Variants in PLCB1 observed in about 807,000 individuals in gnomAD.
PLCB1 encodes the protein phospholipase C beta 1, also known as 1-phosphatidylinositol 4,5-bisphosphate phosphodiesterase beta-1.
In PLCB1, 46 loss-of-function variants were observed where a neutral mutation model predicts 161.8. That is an observed-to-expected ratio of 0.28 (90% CI 0.22 to 0.36). The LOEUF is 0.36. Ranked by LOEUF, PLCB1 falls within the 10% of genes least tolerant of loss-of-function variation. The pLI is 1.00. For missense variants in PLCB1, 1,016 were observed against 1,472.5 expected, an observed-to-expected ratio of 0.69 and a Z score of 5.07; for synonymous variants, 517 against 503.7, an observed-to-expected ratio of 1.03 and a Z score of -0.35.
chr20:8,175,232 A>G (rs1270857059), intron 2 of PLCB1, among the ~76,000 whole-genome samples: 1 of 152,168 alleles, frequency 6.6e-6, no homozygotes. Flanking sequence ...CAGCAGAACA[A>G]AAACCAGAGT....
chr20:8,485,843 A>G (rs6055849), intron 3 of PLCB1, among the ~76,000 whole-genome samples: 109,893 of 151,538 alleles, frequency 0.73, 40,017 homozygotes, highest in African/African-American at 0.74. Flanking sequence ...CTACAGAGGT[A>G]TGGAAACCCT....
At chr20:8,172,523 A>C (rs1441303543) in intron 2 of PLCB1, among the ~76,000 whole-genome samples, 2 of 152,210 alleles carry the variant, frequency 1.3e-5, no homozygotes, top group Non-Finnish European at 2.9e-5. Flanking sequence ...AGATTGCTGA[A>C]GACAAGGGCG....
intron 3 of PLCB1, among the ~76,000 whole-genome samples, chr20:8,538,334 C>A (rs1464600526): frequency 6.6e-6 from 1 of 152,122 alleles, no homozygotes; most frequent in Non-Finnish European, 1.5e-5. Flanking sequence ...TTCTTTGTAG[C>A]ACATTCCCCT....
Position 8,715,355 on chromosome 20 carries a change from C to T in PLCB1, c.1251-909C>T, listed in dbSNP as rs138615494. 2.8e-3 allele frequency among the ~76,000 whole-genome samples: 420 copies of T among 152,342 alleles called. 2 individuals carry two copies. Among genetic ancestry groups the T allele is most frequent in the African/African-American group, 9.4e-3 (390 of 41,570 alleles). On this transcript the variant is annotated intron_variant, in intron 12 of 31. Coordinates refer to ENST00000338037, the MANE Select transcript of PLCB1 (RefSeq NM_015192.4). Reference sequence around the variant, plus strand: ...CGTAGGATTTGTCTAGTCTAGCTGGCGGACGCCGCCTTGTAACAGTGGAAT... The same window carrying T: ...CGTAGGATTTGTCTAGTCTAGCTGGTGGACGCCGCCTTGTAACAGTGGAAT...
intron 2 of PLCB1, among the ~76,000 whole-genome samples, chr20:8,222,922 G>A (rs1361073981): frequency 6.6e-6 from 1 of 151,906 alleles, no homozygotes; most frequent in Admixed American, 6.6e-5. Flanking sequence ...AATGTGTCAT[G>A]GTAATAGTAT....
intron 2 of PLCB1, among the ~76,000 whole-genome samples, chr20:8,158,134 A>AAAGTACAAATATTCCATTATAATAGCT (rs2051582341): frequency 6.6e-6 from 1 of 152,256 alleles, no homozygotes. Flanking sequence ...TTGGCAGAAT[A>AAAGTACAAATATTCCATTATAATAGCT]TGTGAAGGAA....
chr20:8,392,825 A>G (rs6055789), intron 3 of PLCB1, among the ~76,000 whole-genome samples: 48 of 152,308 alleles, frequency 3.2e-4, no homozygotes, highest in African/African-American at 9.1e-4. Context: ...GTGAAATCCT[A>G]TATCACTGCC....
intron 2 of PLCB1, among the ~76,000 whole-genome samples, chr20:8,327,253 T>G (rs1176118912): frequency 6.6e-6 from 1 of 152,200 alleles, no homozygotes; most frequent in Non-Finnish European, 1.5e-5. Context: ...ATTTGGTTGT[T>G]GAGGTGTCCA....
At chr20:8,548,502 T>C (rs1261953034) in intron 3 of PLCB1, among the ~76,000 whole-genome samples, 1 of 147,362 alleles carries the variant, frequency 6.8e-6, no homozygotes, top group East Asian at 2.1e-4. Context: ...CCTTCCTTTC[T>C]TACTTCCTCC....
chr20:8,521,400 A>C (rs573332733), intron 3 of PLCB1, among the ~76,000 whole-genome samples: 4 of 152,064 alleles, frequency 2.6e-5, no homozygotes, highest in Non-Finnish European at 5.9e-5. Context: ...CACCTACATT[A>C]ACAAATCAAA....
intron 10 of PLCB1, among the ~76,000 whole-genome samples, chr20:8,691,787 T>C (rs897745657): frequency 6.6e-6 from 1 of 152,140 alleles, no homozygotes; most frequent in Non-Finnish European, 1.5e-5. Context: ...AAAAATAAAT[T>C]GTATCATTGA....
intron 2 of PLCB1, among the ~76,000 whole-genome samples, chr20:8,315,221 C>T (rs747466697): frequency 3.9e-5 from 6 of 151,920 alleles, no homozygotes; most frequent in Non-Finnish European, 8.8e-5. Context: ...TATGTCTGAC[C>T]GAGGAAGTAA....
chr20:8,639,817 G>A (rs1988881942), intron 4 of PLCB1, among the ~76,000 whole-genome samples: 1 of 151,800 alleles, frequency 6.6e-6, no homozygotes, highest in Non-Finnish European at 1.5e-5. Context: ...GCTAGAACAA[G>A]GATCTGCAAT....
Position 8,884,130 on chromosome 20 carries a change from G to A in PLCB1, c.*2281G>A, listed in dbSNP as rs1988091962. The A allele has an allele frequency of 1.3e-5, 2 of 152,254 alleles. No homozygotes were observed. Among genetic ancestry groups the A allele is most frequent in the Admixed American group, 1.3e-4 (2 of 15,256 alleles). 9.4% of individuals were successfully genotyped at this position (152,254 alleles called of 1,614,324 possible). A position where few individuals can be genotyped will look rare whatever the true frequency, so the allele number is the denominator to read the frequency against. ...TCATTTTACAATATGTTTGTATTTG[G>A]CCATTTACTGTAATCACATTTTTAT... On this transcript the variant is annotated 3_prime_UTR_variant, in exon 32 of 32. Transcript: ENST00000338037.
chr20:8,628,396 T>G lies in PLCB1; in HGVS notation c.349T>G (p.Leu117Val). 1 of 1,614,040 alleles carries G rather than the reference T, an allele frequency of 6.2e-7. No homozygotes were observed. The change falls in exon 4 of 32, where the codon TTG becomes GTG. Residue 117 changes from leucine (L) to valine (V), a missense_variant. Physicochemically the swap from Leu to Val is conservative, Grantham distance 32. Around this residue, in one of 10 missense-constraint regions of PLCB1, gnomAD observed 181 missense variants for 236.7 expected, o/e 0.76. Transcript: ENST00000338037. The part of the protein sequence containing the change: ...YGPDLVNISH[L>V]NLVAFQEEVA... ...GCCTGACCTCGTGAACATCTCCCATTTGAATCTCGTGGCTTTCCAAGAAGA... is the reference window on the plus strand; with the variant it reads ...GCCTGACCTCGTGAACATCTCCCATGTGAATCTCGTGGCTTTCCAAGAAGA...
chr20:8,789,249 C>T (rs781032793), intron 29 of PLCB1, among the ~76,000 whole-genome samples: 2 of 152,100 alleles, frequency 1.3e-5, no homozygotes, highest in Non-Finnish European at 2.9e-5. Flanking sequence ...TGTGGTGGTG[C>T]ACACCTATAT....
intron 3 of PLCB1, among the ~76,000 whole-genome samples, chr20:8,418,672 TC>T (rs1442890168): frequency 2.0e-5 from 3 of 152,132 alleles, no homozygotes; most frequent in Non-Finnish European, 4.4e-5. Flanking sequence ...TAATAAAAAA[TC>T]AAAATATTTA....
intron 5 of PLCB1, 123 bp from the exon 6 acceptor site, chr20:8,647,777 G>A (rs1429191567): frequency 2.8e-6 from 2 of 712,044 alleles, no homozygotes; most frequent in African/African-American, 3.6e-5. Flanking sequence ...TGGAGACTTG[G>A]GCAGTTTGTG....
At position 8,883,663 on chromosome 20, in the gene PLCB1, G is replaced by T. The variant is rs1178018389; in HGVS notation, c.*1814G>T. ...CAATTAAATTTTAATCAAAATGAAGGCTTAGTTCAAACATAAGGAAACAGT... is the reference window on the plus strand; with the variant it reads ...CAATTAAATTTTAATCAAAATGAAGTCTTAGTTCAAACATAAGGAAACAGT... On this transcript the variant is annotated 3_prime_UTR_variant, in exon 32 of 32. Transcript: ENST00000338037. 1.3e-5 allele frequency: 2 copies of T among 151,856 alleles called. No individual in the cohort carries two copies. Among genetic ancestry groups the T allele is most frequent in the African/African-American group, 4.9e-5 (2 of 41,224 alleles). 9.4% of individuals were successfully genotyped at this position (151,856 alleles called of 1,614,324 possible). A position where few individuals can be genotyped will look rare whatever the true frequency, so the allele number is the denominator to read the frequency against.
Sources: gnomAD v4.1 joint callset for allele counts (sites outside exome capture counted in the v4.1 genomes callset) on GRCh38, gnomAD v4.1.1 for gene constraint, gnomAD v4.1.1 regional missense constraint, MANE v1.5 for transcripts, NCBI Gene and HGNC (gene_info 2026-07-23, HGNC 2026-07-21) for gene names.